The following SCARA3 variants were observed in gnomAD, a reference collection of about 807,000 sequenced individuals.
SCARA3 encodes the protein cellular stress response gene protein.
In SCARA3, 39 loss-of-function variants were observed where a neutral mutation model predicts 47.0. The ratio of observed to expected loss-of-function variants is 0.83; its 90% CI spans 0.64 to 1.08. The LOEUF (loss-of-function observed/expected upper bound fraction) is 1.08. Among genes scored for constraint, SCARA3 ranks in the 50% least tolerant of loss-of-function variants. The pLI, the probability that SCARA3 is intolerant of heterozygous loss-of-function variation, is 0.00. For synonymous variants in SCARA3, 356 were observed against 334.1 expected, an observed-to-expected ratio of 1.07 and a Z score of -0.71; for missense variants, 724 against 792.3, an observed-to-expected ratio of 0.91 and a Z score of 1.04.
chr8:27,689,069 C>A, the SCARA3 span, among the ~76,000 whole-genome samples: 1 of 152,138 alleles, frequency 6.6e-6, no homozygotes, highest in African/African-American at 2.4e-5. Context: ...TGGGAAACAT[C>A]CTGAAAATGT....
At chr8:27,706,333 G>C in the SCARA3 span, among the ~76,000 whole-genome samples, 1 of 151,960 alleles carries the variant, frequency 6.6e-6, no homozygotes, top group East Asian at 1.9e-4. Flanking sequence ...TTGTATTTTT[G>C]GTAGAGATGG....
chr8:27,653,303 G>A (rs971094736), intron 3 of SCARA3, among the ~76,000 whole-genome samples: 1 of 152,224 alleles, frequency 6.6e-6, no homozygotes, highest in Non-Finnish European at 1.5e-5. Context: ...GGCTGGAGCG[G>A]GAGGCTGGCC....
chr8:27,683,782 T>C, the SCARA3 span, among the ~76,000 whole-genome samples: 1 of 151,966 alleles, frequency 6.6e-6, no homozygotes, highest in East Asian at 1.9e-4. Flanking sequence ...AAGTAAATTG[T>C]GGTATTTTCA....
At chr8:27,669,570 C>T (rs924903752) in intron 5 of SCARA3, among the ~76,000 whole-genome samples, 4 of 152,244 alleles carry the variant, frequency 2.6e-5, no homozygotes, top group Non-Finnish European at 4.4e-5. Flanking sequence ...TGCTGCTGGC[C>T]ACCTTTCATC....
chr8:27,694,278 C>A, the SCARA3 span, among the ~76,000 whole-genome samples: 1 of 152,122 alleles, frequency 6.6e-6, no homozygotes. Flanking sequence ...TATGCCTGGA[C>A]TCAGAGTCAC....
the SCARA3 span, chr8:27,733,487 A>C: frequency 6.6e-6 from 1 of 152,196 alleles, no homozygotes; most frequent in African/African-American, 2.4e-5. Context: ...ACGAAGTGCC[A>C]GCTGGATGTG....
At chr8:27,644,305 T>G (rs955496576) in intron 1 of SCARA3, among the ~76,000 whole-genome samples, 3 of 152,198 alleles carry the variant, frequency 2.0e-5, no homozygotes, top group Admixed American at 6.5e-5. Flanking sequence ...TGCAAGAAGA[T>G]TGGGGCCTGG....
chr8:27,652,003 T>G (rs1801643959), intron 3 of SCARA3, among the ~76,000 whole-genome samples: 1 of 152,238 alleles, frequency 6.6e-6, no homozygotes, highest in Non-Finnish European at 1.5e-5. Flanking sequence ...CTCCTGATGA[T>G]TCTGTTGTTC....
rs533831284 is a variant in SCARA3, at chr8:27,670,133, G to A, written c.1370-767G>A. On this transcript the variant is annotated intron_variant, in intron 5 of 5. Coordinates refer to ENST00000301904, the MANE Select transcript of SCARA3 (RefSeq NM_016240.3). ...CTCATGCAGAGCCAGACTCACAGGAGGGTCCATGGCTGCTTGGTGAATCAC... is the reference window on the plus strand; with the variant it reads ...CTCATGCAGAGCCAGACTCACAGGAAGGTCCATGGCTGCTTGGTGAATCAC... Among the ~76,000 whole-genome samples the A allele has an allele frequency of 1.7e-3, 255 of 152,320 alleles. 1 individual carries two copies. The Middle Eastern group carries it at 0.017, about 10-fold the overall frequency.
the SCARA3 span, among the ~76,000 whole-genome samples, chr8:27,694,886 C>A: frequency 1.3e-5 from 2 of 152,076 alleles, no homozygotes; most frequent in Non-Finnish European, 2.9e-5. Flanking sequence ...CAACTGGAAT[C>A]TGAAGGGCAA....
At chr8:27,697,743 G>A in the SCARA3 span, among the ~76,000 whole-genome samples, 2 of 152,282 alleles carry the variant, frequency 1.3e-5, no homozygotes, top group Non-Finnish European at 2.9e-5. Context: ...AGTCTCACAA[G>A]ATCTGATGGT....
At chr8:27,708,555 C>A in the SCARA3 span, among the ~76,000 whole-genome samples, 1 of 149,430 alleles carries the variant, frequency 6.7e-6, no homozygotes, top group South Asian at 2.1e-4. Flanking sequence ...AATGACATAT[C>A]AAGAAAAAAG....
the SCARA3 span, among the ~76,000 whole-genome samples, chr8:27,689,943 G>A: frequency 1.3e-5 from 2 of 152,112 alleles, no homozygotes; most frequent in Non-Finnish European, 2.9e-5. Flanking sequence ...GGACAACATA[G>A]CAAGACCTCA....
the SCARA3 span, among the ~76,000 whole-genome samples, chr8:27,705,672 G>A: frequency 1.6e-4 from 25 of 152,368 alleles, no homozygotes; most frequent in African/African-American, 5.3e-4. Flanking sequence ...GCCACGCACC[G>A]TGCATACAAC....
chr8:27,716,633 G>A, the SCARA3 span, among the ~76,000 whole-genome samples: 1 of 152,174 alleles, frequency 6.6e-6, no homozygotes, highest in Admixed American at 6.5e-5. Context: ...AATAAATGTA[G>A]ACAGAATGGT....
At chr8:27,680,305 T>C (rs768710116), downstream of SCARA3, among the ~76,000 whole-genome samples, 19 of 150,830 alleles carry the variant, frequency 1.3e-4, no homozygotes, top group Non-Finnish European at 2.7e-4. Flanking sequence ...AAAAGATAAA[T>C]AAAATAAGAA....
the SCARA3 span, among the ~76,000 whole-genome samples, chr8:27,717,890 T>C: frequency 0.032 from 4,923 of 152,310 alleles, 265 homozygotes; most frequent in African/African-American, 0.11. Flanking sequence ...TTAAGTCAGT[T>C]AGTCTGTCTG....
chr8:27,660,461 A>G (rs1390728094), intron 5 of SCARA3, among the ~76,000 whole-genome samples: 4 of 151,558 alleles, frequency 2.6e-5, no homozygotes, highest in African/African-American at 9.7e-5. Context: ...TCAATAGTGT[A>G]TAGAGATAGA....
At chr8:27,656,940 T>G in intron 4 of SCARA3, 60 bp downstream of exon 4, 1 of 1,074,976 alleles carries the variant, frequency 9.3e-7, no homozygotes, top group Middle Eastern at 2.0e-4. Flanking sequence ...AGGGGTGCCC[T>G]CCCCACGCTA....
Sources: gnomAD v4.1 joint callset for allele counts (sites outside exome capture counted in the v4.1 genomes callset) on GRCh38, gnomAD v4.1.1 for gene constraint, MANE v1.5 for transcripts, NCBI Gene and HGNC (gene_info 2026-07-23, HGNC 2026-07-21) for gene names.